FRMPD4: variants seen among roughly 807,000 people sequenced by gnomAD.
The protein encoded by FRMPD4 is FERM and PDZ domain-containing protein 4.
FRMPD4 carries 22 observed loss-of-function variants against 94.1 expected under a neutral mutation model. The ratio of observed to expected loss-of-function variants is 0.23; its 90% CI spans 0.17 to 0.33. The LOEUF (loss-of-function observed/expected upper bound fraction) is 0.33. Ranked by LOEUF, FRMPD4 falls within the 10% of genes least tolerant of loss-of-function variation. The pLI is 1.00. For synonymous variants in FRMPD4, 631 were observed against 548.6 expected (o/e 1.15, Z -2.10); for missense variants, 1,111 against 1,339.9 (o/e 0.83, Z 2.67).
chrX:11,851,269 C>T (rs1317490779), intron 1 of FRMPD4, among the ~76,000 whole-genome samples: 1 of 111,705 alleles, frequency 9.0e-6, no homozygotes, highest in Non-Finnish European at 1.9e-5. Flanking sequence ...CAGATTTGTC[C>T]AGTTTCATGG....
At chrX:12,450,365 A>G (rs948216289) in intron 1 of FRMPD4, among the ~76,000 whole-genome samples, 6 of 111,814 alleles carry the variant, frequency 5.4e-5, no homozygotes. Context: ...ACAGTCACCA[A>G]GGGAACTTTC....
chrX:11,978,047 G>A (rs2054376043), intron 3 of FRMPD4, among the ~76,000 whole-genome samples: 2 of 109,770 alleles, frequency 1.8e-5, no homozygotes, highest in Non-Finnish European at 3.8e-5. Flanking sequence ...TTCCGGCCGG[G>A]CTCGGTGGCT....
chrX:12,602,201 A>G (rs990410828), intron 2 of FRMPD4, among the ~76,000 whole-genome samples: 3 of 112,176 alleles, frequency 2.7e-5, no homozygotes, highest in African/African-American at 9.7e-5. Context: ...ATCAACTTTA[A>G]CAATCCATAC....
chrX:11,922,987 C>A (rs189793994), intron 3 of FRMPD4, among the ~76,000 whole-genome samples: 65 of 112,624 alleles, frequency 5.8e-4, no homozygotes, highest in Admixed American at 3.1e-3. Flanking sequence ...CTCTGGGGAC[C>A]CACACCATAA....
chrX:12,179,134 TC>T (rs1470379928), intron 1 of FRMPD4, among the ~76,000 whole-genome samples: 1 of 111,692 alleles, frequency 9.0e-6, no homozygotes, highest in African/African-American at 3.3e-5. Flanking sequence ...CTTTTCCACA[TC>T]ATCTCTGATC....
At chrX:11,979,973 G>A (rs1281500542) in intron 3 of FRMPD4, among the ~76,000 whole-genome samples, 1 of 111,107 alleles carries the variant, frequency 9.0e-6, no homozygotes, top group African/African-American at 3.3e-5. Context: ...AAGGTTTCTG[G>A]TCCTTTCAAA....
chrX:12,215,983 T>A (rs1191767405), intron 1 of FRMPD4, among the ~76,000 whole-genome samples: 1 of 112,477 alleles, frequency 8.9e-6, no homozygotes, highest in Non-Finnish European at 1.9e-5. Flanking sequence ...CAAGACCACA[T>A]GGCTTGCAAA....
intron 1 of FRMPD4, among the ~76,000 whole-genome samples, chrX:12,160,497 T>A (rs2056007636): frequency 8.9e-6 from 1 of 111,834 alleles, no homozygotes; most frequent in African/African-American, 3.3e-5. Context: ...GTTGCTGGAG[T>A]AATGTGTTGA....
At chrX:12,561,121 T>C (rs1033868950) in intron 2 of FRMPD4, among the ~76,000 whole-genome samples, 76 of 111,626 alleles carry the variant, frequency 6.8e-4, no homozygotes, top group African/African-American at 2.4e-3. Flanking sequence ...AGTGGAAATT[T>C]TGAATGTTAT....
intron 2 of FRMPD4, among the ~76,000 whole-genome samples, chrX:12,595,271 A>G (rs1295733922): frequency 2.7e-5 from 3 of 112,054 alleles, no homozygotes; most frequent in African/African-American, 9.7e-5. Context: ...CCAGAGTTTT[A>G]TCCTGGGTCA....
At chrX:12,056,503 G>A (rs1343851142) in intron 3 of FRMPD4, among the ~76,000 whole-genome samples, 2 of 111,506 alleles carry the variant, frequency 1.8e-5, no homozygotes, top group Non-Finnish European at 3.8e-5. Context: ...TTTTGGAAAA[G>A]AGGTTCTGGT....
intron 1 of FRMPD4, among the ~76,000 whole-genome samples, chrX:12,411,459 A>G (rs1851488264): frequency 2.7e-5 from 3 of 112,361 alleles, no homozygotes; most frequent in African/African-American, 9.7e-5. Flanking sequence ...AAGACAATTT[A>G]AATGGGATTT....
At chrX:12,664,544 G>C (rs2059754577) in intron 4 of FRMPD4, among the ~76,000 whole-genome samples, 1 of 111,894 alleles carries the variant, frequency 8.9e-6, no homozygotes, top group African/African-American at 3.3e-5. Context: ...TGCATCCCAG[G>C]GATGAAGCCG....
intron 3 of FRMPD4, among the ~76,000 whole-genome samples, chrX:12,089,831 A>C (rs2055139924): frequency 8.9e-6 from 1 of 112,040 alleles, no homozygotes. Flanking sequence ...TAGTGCAACA[A>C]GAGATACATG....
At chrX:12,105,197 G>T (rs1452760880) in intron 3 of FRMPD4, among the ~76,000 whole-genome samples, 1 of 111,691 alleles carries the variant, frequency 9.0e-6, no homozygotes, top group East Asian at 2.8e-4. Flanking sequence ...CTCCACTTTC[G>T]TTGATTGAGA....
intron 2 of FRMPD4, among the ~76,000 whole-genome samples, chrX:11,867,927 G>T (rs762306827): frequency 5.3e-5 from 6 of 112,288 alleles, no homozygotes; most frequent in Non-Finnish European, 1.1e-4. Context: ...TATCCCAAAA[G>T]ACAACCTCTT....
chrX:12,417,632 T>A (rs1488992464), intron 1 of FRMPD4, among the ~76,000 whole-genome samples: 2 of 110,308 alleles, frequency 1.8e-5, no homozygotes, highest in Non-Finnish European at 3.8e-5. Flanking sequence ...ATTATCAGTT[T>A]TTTTTATTAT....
chrX:12,229,841 A>G (rs2056964399), intron 1 of FRMPD4, among the ~76,000 whole-genome samples: 1 of 111,830 alleles, frequency 8.9e-6, no homozygotes, highest in African/African-American at 3.3e-5. Flanking sequence ...TCCTTGTTTA[A>G]TCCTCAGCAT....
At chrX:12,361,999 CA>C (rs1397095698) in intron 1 of FRMPD4, among the ~76,000 whole-genome samples, 3 of 110,980 alleles carry the variant, frequency 2.7e-5, no homozygotes, top group Non-Finnish European at 5.7e-5. Flanking sequence ...ATCTAAGATT[CA>C]ACCCATTACA....
Sources: allele counts gnomAD v4.1 joint callset (sites outside exome capture counted in the v4.1 genomes callset), GRCh38; gene constraint gnomAD v4.1.1; transcripts MANE v1.5; gene names NCBI Gene and HGNC (gene_info 2026-07-23, HGNC 2026-07-21).